Variants in AK5 observed in about 807,000 individuals in gnomAD.
The protein encoded by AK5 is adenylate kinase isoenzyme 5.
A neutral mutation model predicts 69.5 loss-of-function variants in AK5; 27 were observed. The observed-to-expected ratio is 0.39, with a 90% CI of 0.29 to 0.54. AK5 has a LOEUF of 0.54. Among genes scored for constraint, AK5 ranks in the 20% least tolerant of loss-of-function variants. AK5 has a pLI of 0.71. For missense variants in AK5, 531 were observed against 700.4 expected (o/e 0.76, Z 2.73); for synonymous variants, 260 against 244.4 (o/e 1.06, Z -0.60).
rs180756238 is a variant in AK5, at chr1:77,307,791, G to A, written c.699+9844G>A. On this transcript the variant is annotated intron_variant, in intron 5 of 13. Coordinates refer to ENST00000354567, the MANE Select transcript of AK5 (RefSeq NM_174858.3). ...ACTACACCGCCACTTCCAGGGATGA[G>A]GGAGGAGTGGCATCTGCAATTTAGG... 5.4e-3 allele frequency among the ~76,000 whole-genome samples: 828 copies of A among 152,304 alleles called. 5 individuals are homozygous for A. Among genetic ancestry groups the A allele is most frequent in the African/African-American group, 0.019 (796 of 41,558 alleles).
chr1:77,396,727 A>G (rs552209520), intron 6 of AK5, among the ~76,000 whole-genome samples: 3 of 152,360 alleles, frequency 2.0e-5, no homozygotes, highest in Admixed American at 2.0e-4. Context: ...CTTAATGCTT[A>G]AGAGCACAGG....
At chr1:77,456,508 G>A (rs549231356) in intron 8 of AK5, among the ~76,000 whole-genome samples, 1 of 152,356 alleles carries the variant, frequency 6.6e-6, no homozygotes, top group African/African-American at 2.4e-5. Flanking sequence ...CTGGGGCTCA[G>A]GGGGAGAGTA....
rs552842077 is a variant in AK5, at chr1:77,523,990, C to A, written c.1428+2047C>A. On this transcript the variant is annotated intron_variant, in intron 12 of 13. Coordinates refer to ENST00000354567, the MANE Select transcript of AK5 (RefSeq NM_174858.3). ...TGAAACTCTACCCTCTCCCTCCTTT[C>A]CCCAGCTCCTGACAACCACCATTTT... is the stretch of plus-strand genomic sequence containing the variant. Among the ~76,000 whole-genome samples the A allele has an allele frequency of 1.2e-4, 18 of 152,232 alleles. No homozygotes were observed. In the East Asian group the frequency reaches 3.5e-3, roughly 29 times the overall value.
chr1:77,437,540 G>C (rs1374170692), intron 8 of AK5, among the ~76,000 whole-genome samples: 1 of 151,926 alleles, frequency 6.6e-6, no homozygotes, highest in African/African-American at 2.4e-5. Flanking sequence ...CAAAGCTTTG[G>C]GTAAAGCAGT....
chr1:77,414,046 C>T (rs143966252), intron 7 of AK5, among the ~76,000 whole-genome samples: 451 of 152,278 alleles, frequency 3.0e-3, no homozygotes, highest in African/African-American at 0.011. Context: ...AGGTCAGGCA[C>T]TTATAGGAGA....
intron 8 of AK5, among the ~76,000 whole-genome samples, chr1:77,477,655 T>C (rs1035765450): frequency 6.6e-6 from 1 of 152,024 alleles, no homozygotes; most frequent in Non-Finnish European, 1.5e-5. Flanking sequence ...TTTTTTCTTT[T>C]TTCTTTTTTT....
At chr1:77,421,746 C>T (rs1390202814) in intron 8 of AK5, among the ~76,000 whole-genome samples, 1 of 152,144 alleles carries the variant, frequency 6.6e-6, no homozygotes, top group African/African-American at 2.4e-5. Flanking sequence ...GTGATCCCTC[C>T]CTCTTACTTC....
chr1:77,499,507 G>T (rs1656571095), intron 10 of AK5, among the ~76,000 whole-genome samples: 1 of 152,174 alleles, frequency 6.6e-6, no homozygotes, highest in East Asian at 1.9e-4. Context: ...GGTGTAAAGT[G>T]CATTGAACCT....
chr1:77,514,219 G>C (rs1329474564), intron 10 of AK5, among the ~76,000 whole-genome samples: 2 of 152,052 alleles, frequency 1.3e-5, no homozygotes, highest in Non-Finnish European at 1.5e-5. Context: ...ATATCACGTG[G>C]TATGGTGTAT....
chr1:77,367,904 T>TATA (rs1647026163), intron 6 of AK5, among the ~76,000 whole-genome samples: 8 of 3,946 alleles, frequency 2.0e-3, no homozygotes, highest in East Asian at 0.034. Flanking sequence ...ATATATATTA[T>TATA]ATATAAAATA....
chr1:77,351,590 T>C (rs1290319131), intron 6 of AK5, among the ~76,000 whole-genome samples: 5 of 152,158 alleles, frequency 3.3e-5, no homozygotes, highest in African/African-American at 1.2e-4. Flanking sequence ...TCATCCAGTC[T>C]ACCTTCCACA....
At chr1:77,303,156 G>T (rs1206831788) in intron 5 of AK5, among the ~76,000 whole-genome samples, 1 of 152,172 alleles carries the variant, frequency 6.6e-6, no homozygotes, top group Non-Finnish European at 1.5e-5. Context: ...TGAATGAGGG[G>T]AGGACAGTTT....
At chr1:77,435,907 A>T (rs1292390862) in intron 8 of AK5, among the ~76,000 whole-genome samples, 1 of 152,228 alleles carries the variant, frequency 6.6e-6, no homozygotes, top group Admixed American at 6.5e-5. Flanking sequence ...TTGATTACAC[A>T]CACAAAACTC....
At chr1:77,290,928 G>A (rs1658652629) in intron 2 of AK5, among the ~76,000 whole-genome samples, 1 of 152,160 alleles carries the variant, frequency 6.6e-6, no homozygotes, top group African/African-American at 2.4e-5. Context: ...GGCACTATAG[G>A]AAAATCATAG....
At chr1:77,534,477 G>A (rs1658845312) in intron 12 of AK5, among the ~76,000 whole-genome samples, 1 of 152,194 alleles carries the variant, frequency 6.6e-6, no homozygotes, top group Admixed American at 6.5e-5. Flanking sequence ...CCTCATAGAG[G>A]AAATAAGCGT....
intron 6 of AK5, among the ~76,000 whole-genome samples, chr1:77,351,692 T>G (rs1662209972): frequency 6.6e-6 from 1 of 152,100 alleles, no homozygotes; most frequent in African/African-American, 2.4e-5. Flanking sequence ...CCCCTCTCCC[T>G]CCCTCATTGA....
chr1:77,331,522 C>T (rs1661086115), intron 5 of AK5, among the ~76,000 whole-genome samples: 1 of 152,072 alleles, frequency 6.6e-6, no homozygotes, highest in African/African-American at 2.4e-5. Flanking sequence ...AACTACAGTG[C>T]TTGGTTTTTG....
At chr1:77,468,610 A>G (rs1312010143) in intron 8 of AK5, among the ~76,000 whole-genome samples, 1 of 152,160 alleles carries the variant, frequency 6.6e-6, no homozygotes, top group Non-Finnish European at 1.5e-5. Flanking sequence ...TGCTTTTGGC[A>G]GTTTTCTTTT....
chr1:77,432,449 A>G (rs1239496632), intron 8 of AK5, among the ~76,000 whole-genome samples: 1 of 152,236 alleles, frequency 6.6e-6, no homozygotes. Flanking sequence ...GCACTGGGCC[A>G]GCATTATTCT....
Sources: gnomAD v4.1 joint callset for allele counts (sites outside exome capture counted in the v4.1 genomes callset) on GRCh38, gnomAD v4.1.1 for gene constraint, MANE v1.5 for transcripts, NCBI Gene and HGNC (gene_info 2026-07-23, HGNC 2026-07-21) for gene names.